RNLS: variants seen among roughly 807,000 people sequenced by gnomAD.
The protein encoded by RNLS is renalase, FAD dependent amine oxidase.
A neutral mutation model predicts 39.8 loss-of-function variants in RNLS; 39 were observed. The ratio of observed to expected loss-of-function variants is 0.98; its 90% CI spans 0.76 to 1.28. The LOEUF is 1.28. Among genes scored for constraint, RNLS ranks in the 50% most tolerant of loss-of-function variants. The probability of loss-of-function intolerance (pLI) is 0.00; values close to 1 mark genes in which losing one functional copy is unlikely to be tolerated. For synonymous variants in RNLS, 147 were observed against 150.7 expected, an observed-to-expected ratio of 0.98 and a Z score of 0.18; for missense variants, 410 against 413.3, an observed-to-expected ratio of 0.99 and a Z score of 0.07.
intron 4 of RNLS, among the ~76,000 whole-genome samples, chr10:88,562,043 C>T (rs1293041874): frequency 6.6e-6 from 1 of 150,868 alleles, no homozygotes; most frequent in African/African-American, 2.4e-5. Flanking sequence ...TTAAAATATC[C>T]GGTCCTGATG....
the RNLS span, among the ~76,000 whole-genome samples, chr10:88,252,498 G>A: frequency 6.6e-6 from 1 of 152,190 alleles, no homozygotes; most frequent in Admixed American, 6.5e-5. Flanking sequence ...CAGAGGCTGT[G>A]GCCAGAGGGG....
chr10:88,289,742 A>G (rs1431905294), intron 6 of RNLS, among the ~76,000 whole-genome samples: 2 of 152,188 alleles, frequency 1.3e-5, no homozygotes, highest in Non-Finnish European at 2.9e-5. Context: ...ACAGTTGATC[A>G]AATGAAGTTC....
intron 5 of RNLS, among the ~76,000 whole-genome samples, chr10:88,335,776 A>T (rs570541975): frequency 2.7e-4 from 41 of 152,342 alleles, no homozygotes; most frequent in African/African-American, 8.2e-4. Flanking sequence ...ACAAAGCCTC[A>T]CTATGGGTTG....
At chr10:88,176,788 A>G in the RNLS span, among the ~76,000 whole-genome samples, 2 of 152,150 alleles carry the variant, frequency 1.3e-5, no homozygotes, top group Non-Finnish European at 2.9e-5. Context: ...CAGTCTTTTA[A>G]TTTATGAATT....
the RNLS span, among the ~76,000 whole-genome samples, chr10:88,196,165 G>A: frequency 1.4e-5 from 2 of 140,988 alleles, no homozygotes; most frequent in East Asian, 4.5e-4. Flanking sequence ...AGTCAGGCTT[G>A]CCTAATATTT....
chr10:88,217,082 A>G, the RNLS span, among the ~76,000 whole-genome samples: 3 of 152,212 alleles, frequency 2.0e-5, no homozygotes, highest in Non-Finnish European at 4.4e-5. Flanking sequence ...GGGGAAAAAC[A>G]GATTGGTTTT....
intron 5 of RNLS, among the ~76,000 whole-genome samples, chr10:88,315,437 T>A (rs928027180): frequency 5.9e-5 from 9 of 152,294 alleles, no homozygotes; most frequent in East Asian, 1.9e-4. Flanking sequence ...CAAGAATTTG[T>A]CTGCTATTAT....
the RNLS span, among the ~76,000 whole-genome samples, chr10:88,193,163 CA>C: frequency 2.0e-5 from 3 of 152,106 alleles, no homozygotes; most frequent in African/African-American, 7.2e-5. Flanking sequence ...ACTTAATGGT[CA>C]ACAGGCCTCT....
intron 4 of RNLS, among the ~76,000 whole-genome samples, chr10:88,550,550 A>G (rs1178989493): frequency 6.6e-6 from 1 of 152,190 alleles, no homozygotes; most frequent in Non-Finnish European, 1.5e-5. Flanking sequence ...CAAATAAACT[A>G]ACCATTTTTT....
At chr10:88,467,363 A>G (rs898287326) in intron 4 of RNLS, among the ~76,000 whole-genome samples, 13 of 152,150 alleles carry the variant, frequency 8.5e-5, no homozygotes, top group South Asian at 2.1e-4. Flanking sequence ...AGGATAGCCT[A>G]ATGGCAGGAA....
At chr10:88,238,892 C>A in the RNLS span, among the ~76,000 whole-genome samples, 2 of 152,130 alleles carry the variant, frequency 1.3e-5, no homozygotes, top group Non-Finnish European at 2.9e-5. Flanking sequence ...GGCTGTTAAC[C>A]TAATACACAG....
chr10:88,572,760 G>A (rs1849916121), intron 4 of RNLS, 143 bp downstream of exon 4: 3 of 795,904 alleles, frequency 3.8e-6, no homozygotes, highest in African/African-American at 1.7e-5. Flanking sequence ...ATATCATGAC[G>A]ACGGCCGTAA....
chr10:88,583,023 G>GT, intron 1 of RNLS, 50 bp downstream of exon 1: 1 of 1,588,650 alleles, frequency 6.3e-7, no homozygotes, highest in Non-Finnish European at 8.6e-7. Context: ...CACCTCAGCA[G>GT]CCTGCCCGGC....
Position 88,285,180 on chromosome 10 carries a change from G to C in RNLS, c.*174C>G. 7.5e-7 allele frequency: 1 copy of C among 1,332,932 alleles called. No individual in the cohort carries two copies. The highest frequency in any genetic ancestry group is 2.0e-5 in the South Asian group (1 of 49,208). The allele number at this position is 1,332,932 out of a possible 1,614,324, so 82.6% of individuals were successfully genotyped here. A position where few individuals can be genotyped will look rare whatever the true frequency, so the allele number is the denominator to read the frequency against. On this transcript the variant is annotated 3_prime_UTR_variant, in exon 7 of 7. Coordinates refer to ENST00000331772, the MANE Select transcript of RNLS (RefSeq NM_001031709.3). The stretch of plus-strand genomic sequence containing the variant: ...TGTGAGGAATTTCCATTCTAGCATG[G>C]GTTGTAACTATCAAAATTACAAAAT...
intron 4 of RNLS, among the ~76,000 whole-genome samples, chr10:88,364,760 A>G (rs1849918270): frequency 6.6e-6 from 1 of 152,124 alleles, no homozygotes; most frequent in Non-Finnish European, 1.5e-5. Context: ...GCCTCATTAC[A>G]CTCAATGAAT....
intron 4 of RNLS, among the ~76,000 whole-genome samples, chr10:88,392,217 C>T (rs528350529): frequency 2.0e-5 from 3 of 152,174 alleles, no homozygotes; most frequent in Non-Finnish European, 4.4e-5. Context: ...ATCAGCTTAC[C>T]AAAAGCTTAA....
At chr10:88,459,590 C>T (rs1233605256) in intron 4 of RNLS, among the ~76,000 whole-genome samples, 1 of 152,056 alleles carries the variant, frequency 6.6e-6, no homozygotes, top group Non-Finnish European at 1.5e-5. Context: ...CCCAGGACAC[C>T]GTTAAGAAAT....
At position 88,548,261 on chromosome 10, in the gene RNLS, CAAAAAA is replaced by C. The variant is rs869175046; in HGVS notation, c.526+24636_526+24641del. Among the ~76,000 whole-genome samples the C allele has an allele frequency of 1.9e-4, 6 of 32,404 alleles. No homozygotes were observed. The East Asian group carries it at 2.5e-3, about 14-fold the overall frequency. The allele number at this position is 32,404 out of a possible 152,430, so 21.3% of individuals were successfully genotyped here. On this transcript the variant is annotated intron_variant, in intron 4 of 6. Transcript: ENST00000331772. ...TGGGCGACAGAGCAAGACTCCGTCT[CAAAAAA>C]AAAAAAAAAAAAAAAAAAAAAAAAA... is the stretch of plus-strand genomic sequence containing the variant.
At chr10:88,199,888 G>A in the RNLS span, among the ~76,000 whole-genome samples, 1 of 152,164 alleles carries the variant, frequency 6.6e-6, no homozygotes, top group Non-Finnish European at 1.5e-5. Context: ...CAGCATTTTG[G>A]GAAACTAAGG....
Sources: gnomAD v4.1 joint callset for allele counts (sites outside exome capture counted in the v4.1 genomes callset) on GRCh38, gnomAD v4.1.1 for gene constraint, MANE v1.5 for transcripts, NCBI Gene and HGNC (gene_info 2026-07-23, HGNC 2026-07-21) for gene names.